The following TBC1D31 variants were observed in gnomAD, a reference collection of about 807,000 sequenced individuals.
TBC1D31 encodes WD repeat domain 67.
A neutral mutation model predicts 132.9 loss-of-function variants in TBC1D31; 99 were observed. The observed-to-expected ratio is 0.74, with a 90% CI of 0.63 to 0.88. The LOEUF is 0.88. Among genes scored for constraint, TBC1D31 ranks in the 40% least tolerant of loss-of-function variants. The probability of loss-of-function intolerance (pLI) is 0.00; values close to 1 mark genes in which losing one functional copy is unlikely to be tolerated. For missense variants in TBC1D31, 1,134 were observed against 1,256.6 expected (o/e 0.90, Z 1.48); for synonymous variants, 385 against 419.4 (o/e 0.92, Z 1.00).
chr8:123,075,974 G>A (rs914236824), intron 1 of TBC1D31, among the ~76,000 whole-genome samples: 1 of 152,128 alleles, frequency 6.6e-6, no homozygotes, highest in Non-Finnish European at 1.5e-5. Context: ...AAAATAGTAT[G>A]TAATCATTAA....
chr8:123,141,334 G>C (rs915226410), intron 18 of TBC1D31, among the ~76,000 whole-genome samples: 1 of 149,370 alleles, frequency 6.7e-6, no homozygotes, highest in African/African-American at 2.5e-5. Context: ...GCACTTCCAA[G>C]TGTATTGTGT....
the TBC1D31 span, among the ~76,000 whole-genome samples, chr8:123,162,112 T>C: frequency 6.6e-6 from 1 of 151,990 alleles, no homozygotes; most frequent in African/African-American, 2.4e-5. Context: ...TATAAATATG[T>C]CTCCCAACAT....
chr8:123,101,163 T>C (rs1436846110), intron 7 of TBC1D31, 156 bp downstream of exon 7: 4 of 575,192 alleles, frequency 7.0e-6, no homozygotes, highest in Non-Finnish European at 1.2e-5. Context: ...GCCACATCTC[T>C]GGCCTTGATT....
chr8:123,161,950 G>A, the TBC1D31 span, among the ~76,000 whole-genome samples: 10 of 149,648 alleles, frequency 6.7e-5, no homozygotes, highest in Non-Finnish European at 1.3e-4. Flanking sequence ...CCCGAGAGGC[G>A]GAGGTTGCAG....
chr8:123,158,500 C>A, the TBC1D31 span, among the ~76,000 whole-genome samples: 2 of 151,974 alleles, frequency 1.3e-5, no homozygotes, highest in African/African-American at 4.8e-5. Context: ...ATGGACAGAC[C>A]GACGGAAGGA....
intron 19 of TBC1D31, among the ~76,000 whole-genome samples, chr8:123,143,279 G>A (rs1255727733): frequency 6.6e-6 from 1 of 152,164 alleles, no homozygotes; most frequent in East Asian, 1.9e-4. Flanking sequence ...GAGAAAAATA[G>A]TATTCTTCAC....
In TBC1D31 at chr8:123,129,122, C is replaced by T. The variant is rs1190521173; in HGVS notation, c.2174C>T (p.Ala725Val). ...KVDQQRVEDE[A>V]WYQKQELLRK... ...GACCAGCAAAGAGTTGAAGATGAAG[C>T]TTGGTACCAGAAACAGGAGCTGCTT... The change falls in exon 15 of 22, where the codon GCT becomes GTT. Residue 725 changes from alanine (A) to valine (V), a missense_variant. By Grantham distance (64) the Ala-to-Val change is moderately conservative. Transcript: ENST00000287380. 3.1e-6 allele frequency: 5 copies of T among 1,609,774 alleles called. No individual in the cohort carries two copies. The South Asian group carries it at 5.5e-5, about 18-fold the overall frequency.
chr8:123,159,267 G>T, the TBC1D31 span, among the ~76,000 whole-genome samples: 2 of 114,290 alleles, frequency 1.7e-5, no homozygotes, highest in African/African-American at 8.8e-5. Flanking sequence ...TATTTGAACA[G>T]GAAAAAAAAA....
At chr8:123,073,772 A>C (rs758296357) in intron 1 of TBC1D31, among the ~76,000 whole-genome samples, 2 of 147,620 alleles carry the variant, frequency 1.4e-5, no homozygotes, top group African/African-American at 5.0e-5. Context: ...TGCATCCTCC[A>C]CCTCCCGAGT....
At chr8:123,102,221 T>G (rs1291991177) in intron 7 of TBC1D31, 1 of 456,212 alleles carries the variant, frequency 2.2e-6, no homozygotes, top group African/African-American at 2.0e-5. Context: ...GATGATCACC[T>G]GGTCTAACCC....
In TBC1D31 at chr8:123,142,269, A is replaced by C. The variant is rs751026611; in HGVS notation, c.2648A>C (p.Lys883Thr). 43 of 1,567,248 alleles carry C rather than the reference A, an allele frequency of 2.7e-5. No individual in the cohort carries two copies. In the Admixed American group the frequency reaches 5.4e-4, roughly 20 times the overall value. ...TGTATAACTTTTTCCTAGGTGATTAAAGAAAATTTGGCAAAGGCTGAACAA... is the reference window on the plus strand; with the variant it reads ...TGTATAACTTTTTCCTAGGTGATTACAGAAAATTTGGCAAAGGCTGAACAA... ...TQSQKTQKVI[K>T]ENLAKAEQAC... The change falls in exon 19 of 22, where the codon AAA (lysine) becomes ACA (threonine). Residue 883 changes from lysine to threonine, a missense_variant. Physicochemically the swap from Lys to Thr is moderately conservative, Grantham distance 78 (BLOSUM62 -1). Coordinates refer to ENST00000287380, the MANE Select transcript of TBC1D31 (RefSeq NM_145647.4).
Position 123,100,922 on chromosome 8 carries a change from C to T in TBC1D31, c.947C>T (p.Pro316Leu), listed in dbSNP as rs866646579. ...DEGISSSAISPHGRYIASIME... is the reference protein window; with the variant it reads ...DEGISSSAISLHGRYIASIME... ...GGAATTAGCTCATCAGCAATTAGCCCACATGGACGGTACATTGCATCTATT... is the reference window on the plus strand; with the variant it reads ...GGAATTAGCTCATCAGCAATTAGCCTACATGGACGGTACATTGCATCTATT... Residue 316 changes from proline (P) to leucine (L), a missense_variant, in exon 7 of 22, where the codon CCA (proline) becomes CTA (leucine). By Grantham distance (98) the Pro-to-Leu change is moderately conservative. Coordinates refer to ENST00000287380, the MANE Select transcript of TBC1D31 (RefSeq NM_145647.4). The T allele has an allele frequency of 1.2e-6, 2 of 1,613,882 alleles. No individual in the cohort carries two copies. Among genetic ancestry groups the T allele is most frequent in the Non-Finnish European group, 1.7e-6 (2 of 1,179,884 alleles).
chr8:123,109,493 C>T lies in TBC1D31; in HGVS notation c.1309C>T (p.Leu437=). 2.5e-6 allele frequency: 4 copies of T among 1,613,832 alleles called. No homozygotes were observed. Among genetic ancestry groups the T allele is most frequent in the Non-Finnish European group, 3.4e-6 (4 of 1,179,932 alleles). ...TTTCAGAATGTTCATTTGGCGCTCT[C>T]TGCTACAACTGCCTGAAAATCATAC... ...TKYRMFIWRS[L]LQLPENHTAF... is the part of the protein sequence containing the mutation. Residue 437 remains leucine (L), a synonymous_variant, in exon 10 of 22, where the codon CTG becomes TTG. Transcript: ENST00000287380.
chr8:123,150,674 G>T (rs1218914523), intron 21 of TBC1D31, among the ~76,000 whole-genome samples: 3 of 152,154 alleles, frequency 2.0e-5, no homozygotes, highest in Non-Finnish European at 4.4e-5. Flanking sequence ...CCTGGACGTG[G>T]TTCATTGGAG....
intron 18 of TBC1D31, 59 bp from the exon 19 acceptor site, chr8:123,142,203 C>G: frequency 1.5e-6 from 2 of 1,316,774 alleles, no homozygotes; most frequent in Non-Finnish European, 2.1e-6. Flanking sequence ...AATGGTTATA[C>G]CTTCATTTTA....
At chr8:123,165,161 G>C in the TBC1D31 span, among the ~76,000 whole-genome samples, 1 of 152,222 alleles carries the variant, frequency 6.6e-6, no homozygotes, top group Non-Finnish European at 1.5e-5. Context: ...ATAAATTTCT[G>C]TTGTTTAAGC....
Position 123,128,363 on chromosome 8 carries a change from A to G in TBC1D31, c.1967A>G (p.Asp656Gly). Residue 656 changes from aspartate to glycine, a missense_variant, in exon 14 of 22, where the codon GAC becomes GGC. Coordinates refer to ENST00000287380, the MANE Select transcript of TBC1D31 (RefSeq NM_145647.4). ...CATCTCATGGAGACCACGCCTACTG[A>G]CATTCATCCAGACAGCATGCTTAAT... ...VYHLMETTPT[D>G]IHPDSMLNVF... The G allele has an allele frequency of 6.2e-7, 1 of 1,613,540 alleles. No homozygotes were observed. The highest frequency in any genetic ancestry group is 8.5e-7 in the Non-Finnish European group (1 of 1,179,522).
intron 20 of TBC1D31, among the ~76,000 whole-genome samples, chr8:123,147,666 T>TG (rs1822351865): frequency 6.6e-6 from 1 of 152,194 alleles, no homozygotes. Context: ...TTTTTTAACC[T>TG]TGCTGAATTT....
In TBC1D31 at chr8:123,072,735, C is replaced by A; in HGVS notation, c.-35C>A. 1 of 1,549,492 alleles carries A rather than the reference C, an allele frequency of 6.5e-7. No homozygotes were observed. The highest frequency in any genetic ancestry group is 8.7e-7 in the Non-Finnish European group (1 of 1,146,174). Reference sequence around the variant, plus strand: ...CCGGGAAGGCGCTGGGACGGTTACCCAGCGGGCCGCCGGCGGTCGTGGGCA... The same window carrying A: ...CCGGGAAGGCGCTGGGACGGTTACCAAGCGGGCCGCCGGCGGTCGTGGGCA... On this transcript the variant is annotated 5_prime_UTR_variant, in exon 1 of 22. Transcript: ENST00000287380.
Sources: allele counts gnomAD v4.1 joint callset (sites outside exome capture counted in the v4.1 genomes callset), GRCh38; gene constraint gnomAD v4.1.1; transcripts MANE v1.5; gene names NCBI Gene and HGNC (gene_info 2026-07-23, HGNC 2026-07-21).